The following SIRPG variants were observed in gnomAD, a reference collection of about 807,000 sequenced individuals.
SIRPG encodes signal regulatory protein gamma, also known as signal-regulatory protein gamma.
SIRPG carries 38 observed loss-of-function variants against 35.7 expected under a neutral mutation model. The observed-to-expected ratio is 1.06, with a 90% CI of 0.82 to 1.40. The LOEUF (loss-of-function observed/expected upper bound fraction) is 1.40. Ranked by LOEUF, SIRPG falls within the 40% of genes most tolerant of loss-of-function variation. The pLI is 0.00. For synonymous variants in SIRPG, 215 were observed against 190.4 expected, an observed-to-expected ratio of 1.13 and a Z score of -1.06; for missense variants, 519 against 483.0, an observed-to-expected ratio of 1.07 and a Z score of -0.70.
rs759496846 is a variant in SIRPG at position 1,636,389 on chromosome 20, A to G, written c.547T>C (p.Phe183Leu). Residue 183 changes from phenylalanine (F) to leucine (L), a missense_variant, in exon 3 of 6, where the codon TTC becomes CTC. Transcript: ENST00000303415. ...TCTGAGAGCTCATTCCCATTTTTGA[A>G]CCATTTCAGGGTGATGTCTCTGGGA... is the stretch of plus-strand genomic sequence containing the variant. ...FSPRDITLKWFKNGNELSDFQ... is the reference protein window; with the variant it reads ...FSPRDITLKWLKNGNELSDFQ... The G allele has an allele frequency of 3.7e-6, 6 of 1,613,972 alleles. No homozygotes were observed. The highest frequency in any genetic ancestry group is 5.1e-6 in the Non-Finnish European group (6 of 1,180,020).
chr20:1,638,346 C>G (rs2091821169), intron 2 of SIRPG: 1 of 152,186 alleles, frequency 6.6e-6, no homozygotes. Flanking sequence ...AATAAATGAG[C>G]CCTATGGCTG....
At chr20:1,645,513 C>T (rs188186828) in intron 2 of SIRPG, among the ~76,000 whole-genome samples, 1 of 152,346 alleles carries the variant, frequency 6.6e-6, no homozygotes, top group African/African-American at 2.4e-5. Context: ...TGGAGGAGCA[C>T]TGGCCCACCT....
the SIRPG span, chr20:1,666,315 T>C: frequency 6.6e-6 from 1 of 152,214 alleles, no homozygotes; most frequent in Non-Finnish European, 1.5e-5. Flanking sequence ...TAATATATTA[T>C]TGAACAAGGC....
chr20:1,668,239 C>CTT, the SIRPG span, among the ~76,000 whole-genome samples: 1 of 50,628 alleles, frequency 2.0e-5, no homozygotes, highest in African/African-American at 6.6e-5. Context: ...TTCTTTCTTT[C>CTT]TTTCTTTCTT....
At chr20:1,682,313 G>A in the SIRPG span, among the ~76,000 whole-genome samples, 16 of 152,222 alleles carry the variant, frequency 1.1e-4, no homozygotes, top group South Asian at 4.1e-4. Flanking sequence ...TGTGTGTTTC[G>A]CATAGTCAAG....
intron 2 of SIRPG, among the ~76,000 whole-genome samples, chr20:1,645,386 C>T (rs568775610): frequency 2.3e-4 from 35 of 152,198 alleles, no homozygotes; most frequent in African/African-American, 7.9e-4. Flanking sequence ...CATTTTTAGG[C>T]GGATCCTGGG....
At chr20:1,639,856 A>G (rs2091837944) in intron 2 of SIRPG, among the ~76,000 whole-genome samples, 1 of 152,224 alleles carries the variant, frequency 6.6e-6, no homozygotes, top group African/African-American at 2.4e-5. Context: ...CAGTTTTCCC[A>G]GTCCCATTTA....
intron 4 of SIRPG, among the ~76,000 whole-genome samples, chr20:1,631,308 G>T (rs563882066): frequency 6.6e-6 from 1 of 152,154 alleles, no homozygotes; most frequent in Non-Finnish European, 1.5e-5. Flanking sequence ...CTTGAGGAAA[G>T]CTGCACTGCC....
chr20:1,675,105 A>C, the SIRPG span, among the ~76,000 whole-genome samples: 2 of 152,234 alleles, frequency 1.3e-5, no homozygotes, highest in African/African-American at 4.8e-5. Context: ...CCCTGTAGCC[A>C]TAAAACACTA....
rs1275372380 is a variant in SIRPG, at chr20:1,657,711, G to A, written c.4C>T (p.Pro2Ser). 6.2e-7 allele frequency: 1 copy of A among 1,614,084 alleles called. No individual in the cohort carries two copies. Among genetic ancestry groups the A allele is most frequent in the South Asian group, 1.1e-5 (1 of 91,082 alleles). Residue 2 changes from proline to serine, a missense_variant, in exon 1 of 6, where the codon CCT becomes TCT. Physicochemically the swap from Pro to Ser is moderately conservative, Grantham distance 74. Coordinates refer to ENST00000303415, the MANE Select transcript of SIRPG (RefSeq NM_018556.4). ...GGATGGGGCCAGGAGGCTGGGACAGGCATTTTGGAGACCTCAGAAGCCTGC... is the reference window on the plus strand; with the variant it reads ...GGATGGGGCCAGGAGGCTGGGACAGACATTTTGGAGACCTCAGAAGCCTGC... M[P>S]VPASWPHPPG... is the part of the protein sequence containing the mutation.
chr20:1,637,752 T>C (rs915065002), intron 2 of SIRPG: 1 of 152,160 alleles, frequency 6.6e-6, no homozygotes, highest in Non-Finnish European at 1.5e-5. Flanking sequence ...GGTGGGTGAT[T>C]TCTTCATCGT....
chr20:1,679,676 G>A, the SIRPG span, among the ~76,000 whole-genome samples: 1 of 152,128 alleles, frequency 6.6e-6, no homozygotes, highest in Non-Finnish European at 1.5e-5. Context: ...TCACAGTCAT[G>A]TTAGAGTGTT....
At chr20:1,680,312 C>A in the SIRPG span, among the ~76,000 whole-genome samples, 122 of 152,276 alleles carry the variant, frequency 8.0e-4, no homozygotes, top group African/African-American at 2.8e-3. Context: ...TCCATTAAAA[C>A]AACAAATGAC....
intron 4 of SIRPG, 187 bp from the exon 5 acceptor site, chr20:1,630,493 T>G (rs2091741396): frequency 3.5e-6 from 2 of 564,490 alleles, no homozygotes; most frequent in Admixed American, 3.3e-5. Context: ...CCATTCTCAC[T>G]CATCCTGTCC....
At chr20:1,636,547 G>A (rs1334578546) in intron 2 of SIRPG, 42 bp from the exon 3 acceptor site, 2 of 1,595,308 alleles carry the variant, frequency 1.3e-6, no homozygotes, top group African/African-American at 2.7e-5. Context: ...TGACTGAGAT[G>A]ACAATCACTA....
the SIRPG span, among the ~76,000 whole-genome samples, chr20:1,681,205 T>C: frequency 6.6e-6 from 1 of 152,164 alleles, no homozygotes; most frequent in South Asian, 2.1e-4. Flanking sequence ...AGAAGAAAAC[T>C]ACACATCCTC....
At chr20:1,677,297 T>C in the SIRPG span, among the ~76,000 whole-genome samples, 1 of 152,238 alleles carries the variant, frequency 6.6e-6, no homozygotes, top group Admixed American at 6.5e-5. Context: ...TCTGGCCATA[T>C]GGAGTATTGC....
the SIRPG span, chr20:1,671,071 C>T: frequency 4.7e-6 from 2 of 426,930 alleles, no homozygotes; most frequent in South Asian, 1.9e-5. Context: ...GAGCTCATTC[C>T]TATTTTTGGA....
At chr20:1,645,797 G>A (rs1357819901) in intron 2 of SIRPG, among the ~76,000 whole-genome samples, 4 of 152,176 alleles carry the variant, frequency 2.6e-5, no homozygotes, top group Non-Finnish European at 5.9e-5. Context: ...CCGAAGCTCA[G>A]TGATAAACCA....
Sources: allele counts gnomAD v4.1 joint callset (sites outside exome capture counted in the v4.1 genomes callset), GRCh38; gene constraint gnomAD v4.1.1; transcripts MANE v1.5; gene names NCBI Gene and HGNC (gene_info 2026-07-23, HGNC 2026-07-21).